APLF: variants seen among roughly 807,000 people sequenced by gnomAD.
APLF encodes the protein aprataxin and PNKP like factor.
Under a neutral mutation model 55.6 loss-of-function variants are expected in APLF, and 61 were observed. The ratio of observed to expected loss-of-function variants is 1.10; its 90% CI spans 0.89 to 1.36. The LOEUF is 1.36. Among genes scored for constraint, APLF ranks in the 40% most tolerant of loss-of-function variants. APLF has a pLI of 0.00. For missense variants in APLF, 611 were observed against 602.5 expected (o/e 1.01, Z -0.15); for synonymous variants, 207 against 214.8 (o/e 0.96, Z 0.32).
At chr2:68,490,547 A>G (rs1357057106) in intron 2 of APLF, among the ~76,000 whole-genome samples, 2 of 152,226 alleles carry the variant, frequency 1.3e-5, no homozygotes, top group Admixed American at 1.3e-4. Flanking sequence ...CCAAATAATA[A>G]GAAAGCCCAT....
At position 68,471,520 on chromosome 2, in the gene APLF, C is replaced by A. The variant is rs143180230; in HGVS notation, c.96+3693C>A. Among the ~76,000 whole-genome samples, 985 of 152,142 alleles carry A rather than the reference C, an allele frequency of 6.5e-3. 7 individuals are homozygous for A. Among genetic ancestry groups the A allele is most frequent in the African/African-American group, 0.023 (938 of 41,504 alleles). On this transcript the variant is annotated intron_variant, in intron 1 of 9. Coordinates refer to ENST00000303795, the MANE Select transcript of APLF (RefSeq NM_173545.3). ...GGCTACAACCTCACATGGGGACTGGCGCCAGGCTGACACTTGGAGTAAGCG... is the reference window on the plus strand; with the variant it reads ...GGCTACAACCTCACATGGGGACTGGAGCCAGGCTGACACTTGGAGTAAGCG...
chr2:68,508,077 TTTATA>T (rs2103942957), intron 3 of APLF, among the ~76,000 whole-genome samples: 1 of 151,948 alleles, frequency 6.6e-6, no homozygotes, highest in African/African-American at 2.4e-5. Context: ...AGTAGCATAT[TTTATA>T]TTAAAGATAT....
At chr2:68,471,633 G>T (rs1675618908) in intron 1 of APLF, among the ~76,000 whole-genome samples, 2 of 152,048 alleles carry the variant, frequency 1.3e-5, no homozygotes, top group Non-Finnish European at 2.9e-5. Flanking sequence ...CAAGGAGAGG[G>T]TCTCTATGCA....
intron 1 of APLF, among the ~76,000 whole-genome samples, chr2:68,477,278 G>T (rs931576148): frequency 6.6e-6 from 1 of 152,134 alleles, no homozygotes; most frequent in Non-Finnish European, 1.5e-5. Flanking sequence ...TTACGACAAC[G>T]TGTGATGTGA....
rs1197897502 is a variant in APLF at position 68,521,493 on chromosome 2, G to A, written c.623-4568G>A. ...CTTGGATGTTGTCATGAGTTTCTTA[G>A]GCCTGGGCTAAATTTTTTTAAATGT... On this transcript the variant is annotated intron_variant, in intron 5 of 9. Transcript: ENST00000303795. 2.0e-5 allele frequency among the ~76,000 whole-genome samples: 3 copies of A among 151,762 alleles called. No homozygotes were observed. The East Asian group carries it at 5.8e-4, about 29-fold the overall frequency.
intron 8 of APLF, among the ~76,000 whole-genome samples, chr2:68,561,807 A>G (rs1401030693): frequency 6.6e-6 from 1 of 152,078 alleles, no homozygotes; most frequent in Non-Finnish European, 1.5e-5. Context: ...CTGTTTTTCA[A>G]AGGGTAGATT....
At chr2:68,507,859 A>G (rs1016886894) in intron 3 of APLF, among the ~76,000 whole-genome samples, 1 of 151,892 alleles carries the variant, frequency 6.6e-6, no homozygotes, top group African/African-American at 2.4e-5. Context: ...AAGTAAAGTA[A>G]ATCCTTTGTT....
intron 8 of APLF, among the ~76,000 whole-genome samples, chr2:68,566,761 A>G (rs1442367793): frequency 6.6e-6 from 1 of 152,170 alleles, no homozygotes; most frequent in Non-Finnish European, 1.5e-5. Flanking sequence ...ATAAGTACGT[A>G]TAATCAAAAA....
At position 68,574,280 on chromosome 2, in the gene APLF, T is replaced by A. The variant is rs74820284; in HGVS notation, c.1334-3540T>A. ...ACCTTCAGACTCTACTAGCAATTTT[T>A]TAAAAAGGAAAGTCATCTAGGTAGC... is the stretch of plus-strand genomic sequence containing the variant. On this transcript the variant is annotated intron_variant, in intron 9 of 9. Transcript: ENST00000303795. Among the ~76,000 whole-genome samples the A allele has an allele frequency of 5.5e-3, 837 of 152,292 alleles. 4 individuals are homozygous for A. Among genetic ancestry groups the A allele is most frequent in the African/African-American group, 0.019 (800 of 41,570 alleles).
chr2:68,479,843 A>G (rs760493112), intron 1 of APLF, among the ~76,000 whole-genome samples: 3 of 152,244 alleles, frequency 2.0e-5, no homozygotes, highest in Non-Finnish European at 4.4e-5. Context: ...ACCCTGAGAT[A>G]GCATGAGCAG....
At chr2:68,572,678 A>AT (rs1671501595) in intron 9 of APLF, among the ~76,000 whole-genome samples, 1 of 148,654 alleles carries the variant, frequency 6.7e-6, no homozygotes, top group African/African-American at 2.6e-5. Context: ...TCTACAAAAA[A>AT]TAAAAAAAAT....
chr2:68,545,348 T>C, intron 8 of APLF, 36 bp downstream of exon 8: 1 of 1,589,174 alleles, frequency 6.3e-7, no homozygotes, highest in Non-Finnish European at 8.6e-7. Context: ...ACTCCTTTTC[T>C]TTCTTATCTC....
intron 8 of APLF, among the ~76,000 whole-genome samples, chr2:68,547,573 A>C (rs1421661414): frequency 1.3e-5 from 2 of 151,766 alleles, no homozygotes; most frequent in African/African-American, 4.8e-5. Flanking sequence ...ATATTTATGA[A>C]AAGGGACGTT....
At chr2:68,475,496 T>C (rs988368278) in intron 1 of APLF, among the ~76,000 whole-genome samples, 1 of 152,206 alleles carries the variant, frequency 6.6e-6, no homozygotes, top group Non-Finnish European at 1.5e-5. Flanking sequence ...ATTATTCTTA[T>C]GGGAAAGCAT....
At chr2:68,524,783 G>A (rs1669984406) in intron 5 of APLF, among the ~76,000 whole-genome samples, 1 of 152,200 alleles carries the variant, frequency 6.6e-6, no homozygotes, top group Non-Finnish European at 1.5e-5. Flanking sequence ...CTGGAGACAA[G>A]GGAGGAACAA....
chr2:68,578,256 A>T lies in APLF; in HGVS notation c.*234A>T. On this transcript the variant is annotated 3_prime_UTR_variant, in exon 10 of 10. Coordinates refer to ENST00000303795, the MANE Select transcript of APLF (RefSeq NM_173545.3). ...ACTTAAAGCATCTGGAAATAGGAAGACAGAGAAGGTAGAGTAAAAATGGAT... is the reference window on the plus strand; with the variant it reads ...ACTTAAAGCATCTGGAAATAGGAAGTCAGAGAAGGTAGAGTAAAAATGGAT... 7.9e-7 allele frequency: 1 copy of T among 1,262,196 alleles called. No individual in the cohort carries two copies. The highest frequency in any genetic ancestry group is 1.0e-6 in the Non-Finnish European group (1 of 999,460). The allele number at this position is 1,262,196 out of a possible 1,614,324, so 78.2% of individuals were successfully genotyped here.
chr2:68,556,380 C>A (rs1296981478), intron 8 of APLF, among the ~76,000 whole-genome samples: 1 of 152,162 alleles, frequency 6.6e-6, no homozygotes, highest in Non-Finnish European at 1.5e-5. Context: ...AAAAAGGTAT[C>A]TTGCCTGTCA....
chr2:68,530,179 C>T (rs1670211551), intron 6 of APLF, among the ~76,000 whole-genome samples: 2 of 152,216 alleles, frequency 1.3e-5, no homozygotes, highest in South Asian at 2.1e-4. Flanking sequence ...CCGGGCTGTG[C>T]GATTCCACAG....
chr2:68,535,442 A>C, intron 6 of APLF: 1 of 218,598 alleles, frequency 4.6e-6, no homozygotes, highest in Non-Finnish European at 1.0e-5. Context: ...ACACATAGAT[A>C]TATAAGGAAT....
Sources: allele counts gnomAD v4.1 joint callset (sites outside exome capture counted in the v4.1 genomes callset), GRCh38; gene constraint gnomAD v4.1.1; transcripts MANE v1.5; gene names NCBI Gene and HGNC (gene_info 2026-07-23, HGNC 2026-07-21).